The following NLGN3 variants were observed in gnomAD, a reference collection of about 807,000 sequenced individuals.
NLGN3 encodes the protein neuroligin 3, also known as neuroligin-3.
A neutral mutation model predicts 42.9 loss-of-function variants in NLGN3; 11 were observed. The ratio of observed to expected loss-of-function variants is 0.26; its 90% CI spans 0.16 to 0.42. NLGN3 has a LOEUF of 0.42. NLGN3 is among the 10% of genes least tolerant of loss of function. The pLI, the probability that NLGN3 is intolerant of heterozygous loss-of-function variation, is 1.00. For missense variants in NLGN3, 374 were observed against 733.8 expected (o/e 0.51, Z 5.67); for synonymous variants, 279 against 312.7 (o/e 0.89, Z 1.14).
At chrX:71,173,763 T>C (rs1192046465), downstream of NLGN3, among the ~76,000 whole-genome samples, 3 of 112,412 alleles carry the variant, frequency 2.7e-5, no homozygotes, top group African/African-American at 9.7e-5. Flanking sequence ...GACACCTATT[T>C]TGGGTTGTGT....
chrX:71,147,905 G>C lies in NLGN3; in HGVS notation c.156G>C (p.Arg52Ser). 8.3e-7 allele frequency: 1 copy of C among 1,208,522 alleles called. No individual in the cohort carries two copies. Among genetic ancestry groups the C allele is most frequent in the Non-Finnish European group, 1.1e-6 (1 of 893,920 alleles). The change falls in exon 2 of 8, where the codon AGG becomes AGC. Residue 52 changes from arginine to serine, a missense_variant. By Grantham distance (110) the Arg-to-Ser change is moderately radical. Coordinates refer to ENST00000358741, the MANE Select transcript of NLGN3 (RefSeq NM_181303.2). The stretch of plus-strand genomic sequence containing the variant: ...TCAACACTCACTTTGGGAAGCTAAG[G>C]GGTGCCCGAGTACCACTGCCCAGTG... ...PTVNTHFGKLRGARVPLPSEI... is the reference protein window; with the variant it reads ...PTVNTHFGKLSGARVPLPSEI...
chrX:71,150,539 A>G (rs1426317871), intron 3 of NLGN3, among the ~76,000 whole-genome samples: 1 of 109,479 alleles, frequency 9.1e-6, no homozygotes, highest in Non-Finnish European at 1.9e-5. Flanking sequence ...GTCTCTACTA[A>G]AAAATACAAA....
At chrX:71,166,960 T>C (rs896279536) in intron 6 of NLGN3, 51 bp from the exon 7 acceptor site, 3 of 1,041,371 alleles carry the variant, frequency 2.9e-6, no homozygotes, top group African/African-American at 1.9e-5. Context: ...AAGAGATTTA[T>C]GGCTATGTGT....
At chrX:71,163,779 T>C (rs1246552999) in intron 5 of NLGN3, among the ~76,000 whole-genome samples, 1 of 112,010 alleles carries the variant, frequency 8.9e-6, no homozygotes. Flanking sequence ...ACTCCAGGGT[T>C]TCCATTCTAT....
intron 6 of NLGN3, among the ~76,000 whole-genome samples, chrX:71,164,898 C>T (rs1191659128): frequency 9.0e-6 from 1 of 110,711 alleles, no homozygotes; most frequent in Non-Finnish European, 1.9e-5. Context: ...GGGAGATTCT[C>T]ATTTTTGGCC....
rs772383617 is a variant in NLGN3 at position 71,169,870 on chromosome X, G to A, written c.2320G>A (p.Glu774Lys). Residue 774 changes from glutamate to lysine, a missense_variant, in exon 8 of 8, where the codon GAG (glutamate) becomes AAG (lysine). Transcript: ENST00000358741. ...AALQLGPTHH[E>K]CEAGPPHDTL... The stretch of plus-strand genomic sequence containing the variant: ...ATTACAACTGGGCCCCACCCACCAC[G>A]AGTGTGAGGCCGGTCCCCCCCATGA... 12 of 1,197,894 alleles carry A rather than the reference G, an allele frequency of 1.0e-5. No homozygotes were observed. The highest frequency in any genetic ancestry group is 9.0e-5 in the South Asian group (5 of 55,384).
Position 71,155,349 on chromosome X carries a change from G to A in NLGN3, c.713G>A (p.Arg238Gln). Reference sequence around the variant, plus strand: ...GTCATCGTCATCACCCTCAACTATCGGGTTGGAGTGCTAGGTATGGTTCCC... The same window carrying A: ...GTCATCGTCATCACCCTCAACTATCAGGTTGGAGTGCTAGGTATGGTTCCC... Reference protein sequence around the residue: ...GNVIVITLNYRVGVLGFLSTG... With the variant: ...GNVIVITLNYQVGVLGFLSTG... The change falls in exon 5 of 8, where the codon CGG becomes CAG. Residue 238 changes from arginine to glutamine, a missense_variant. This residue lies in a region of NLGN3 where 28 missense variants were observed against 48.2 expected (regional missense o/e 0.58). Coordinates refer to ENST00000358741, the MANE Select transcript of NLGN3 (RefSeq NM_181303.2). 2.5e-6 allele frequency: 3 copies of A among 1,210,869 alleles called. No homozygotes were observed. Among genetic ancestry groups the A allele is most frequent in the Non-Finnish European group, 2.2e-6 (2 of 895,307 alleles).
At chrX:71,166,900 C>T (rs2092449078) in intron 6 of NLGN3, 111 bp from the exon 7 acceptor site, 2 of 693,467 alleles carry the variant, frequency 2.9e-6, no homozygotes, top group Admixed American at 5.3e-5. Context: ...GAGTTGTTCC[C>T]CCTTCCTAGC....
At position 71,170,690 on chromosome X, in the gene NLGN3, A is replaced by C; in HGVS notation, c.*593A>C. The C allele has an allele frequency of 1.3e-6, 1 of 766,219 alleles. No homozygotes were observed. The highest frequency in any genetic ancestry group is 1.5e-6 in the Non-Finnish European group (1 of 646,001). The allele number at this position is 766,219 out of a possible 1,213,427, so 63.1% of individuals were successfully genotyped here. On this transcript the variant is annotated 3_prime_UTR_variant, in exon 8 of 8. Coordinates refer to ENST00000358741, the MANE Select transcript of NLGN3 (RefSeq NM_181303.2). ...GCTCTAGGACCCCCAGTGCTCACACAATCAGACCAAGGAACAAGACCCCCA... is the reference window on the plus strand; with the variant it reads ...GCTCTAGGACCCCCAGTGCTCACACCATCAGACCAAGGAACAAGACCCCCA...
chrX:71,172,627 C>T (rs200084721), downstream of NLGN3, among the ~76,000 whole-genome samples: 4 of 100,520 alleles, frequency 4.0e-5, no homozygotes, highest in African/African-American at 1.1e-4. Context: ...TGTGTGCATG[C>T]GTGTGTGTGT....
chrX:71,164,016 A>G, intron 5 of NLGN3, 127 bp from the exon 6 acceptor site: 1 of 622,691 alleles, frequency 1.6e-6, no homozygotes, highest in Non-Finnish European at 2.6e-6. Flanking sequence ...TAAGTTAACT[A>G]TGTGGGAAGA....
rs571450692 is a variant in NLGN3 at position 71,161,981 on chromosome X, A to C, written c.728-2162A>C. Among the ~76,000 whole-genome samples, 121 of 112,366 alleles carry C rather than the reference A, an allele frequency of 1.1e-3. No individual in the cohort carries two copies. In the Admixed American group the frequency reaches 0.011, roughly 11 times the overall value. On this transcript the variant is annotated intron_variant, in intron 5 of 7. Coordinates refer to ENST00000358741, the MANE Select transcript of NLGN3 (RefSeq NM_181303.2). ...AGCCAAGACCACTATTGCCTAAATG[A>C]AAGAAAAGGAAAAGAGAATACAGGG... is the stretch of plus-strand genomic sequence containing the variant.
Position 71,169,808 on chromosome X carries a change from C to T in NLGN3, c.2258C>T (p.Pro753Leu), listed in dbSNP as rs1230310050. The T allele has an allele frequency of 8.3e-6, 10 of 1,207,451 alleles. No individual in the cohort carries two copies. The highest frequency in any genetic ancestry group is 5.9e-5 in the East Asian group (2 of 33,704). The stretch of plus-strand genomic sequence containing the variant: ...AGCCCTCAGCGGGGAGCCGGGGCCC[C>T]GGAGTTGGGAGCTGCTCCAGAGGAG... The part of the protein sequence containing the change: ...QPSPQRGAGA[P>L]ELGAAPEEEL... Residue 753 changes from proline (P) to leucine (L), a missense_variant, in exon 8 of 8, where the codon CCG becomes CTG. By Grantham distance (98) the Pro-to-Leu change is moderately conservative (BLOSUM62 -3). Coordinates refer to ENST00000358741, the MANE Select transcript of NLGN3 (RefSeq NM_181303.2).
chrX:71,145,962 T>C, intron 1 of NLGN3, among the ~76,000 whole-genome samples: 1 of 45,139 alleles, frequency 2.2e-5, no homozygotes, highest in Non-Finnish European at 4.1e-5. Flanking sequence ...CCCACCTCCC[T>C]ACTCCTACCC....
chrX:71,170,064 G>A lies in NLGN3; in HGVS notation c.2514G>A (p.Gly838=), dbSNP rs2092465837. Residue 838 remains glycine, a synonymous_variant, in exon 8 of 8, where the codon GGG becomes GGA. Coordinates refer to ENST00000358741, the MANE Select transcript of NLGN3 (RefSeq NM_181303.2). The part of the protein sequence containing the change: ...NTFAAGFNST[G]LPHSHSTTRV The stretch of plus-strand genomic sequence containing the variant: ...TTGCCGCAGGGTTCAACAGTACCGG[G>A]CTGCCCCACTCACACTCCACTACCC... 8.3e-7 allele frequency: 1 copy of A among 1,209,783 alleles called. No homozygotes were observed.
chrX:71,146,182 C>CAG (rs1204035232), intron 1 of NLGN3, among the ~76,000 whole-genome samples: 1 of 66,018 alleles, frequency 1.5e-5, no homozygotes, highest in Non-Finnish European at 3.2e-5. Flanking sequence ...GACACACACA[C>CAG]ACACACACAC....
chrX:71,146,124 T>TTC lies in NLGN3; in HGVS notation c.-201+1189_-201+1190dup, dbSNP rs751338166. Among the ~76,000 whole-genome samples, 412 of 49,073 alleles carry TTC rather than the reference T, an allele frequency of 8.4e-3. 7 individuals are homozygous for TTC. The highest frequency in any genetic ancestry group is 0.012 in the Middle Eastern group (1 of 86). The allele number at this position is 49,073 out of a possible 115,157, so 42.6% of individuals were successfully genotyped here. The stretch of plus-strand genomic sequence containing the variant: ...CCGCCCTCCCTCCTCTTCCTTTTTC[T>TTC]TCTCTCTCTCTCTCTCTCTCTCTCT... On this transcript the variant is annotated intron_variant, in intron 1 of 7. Transcript: ENST00000358741.
intron 5 of NLGN3, among the ~76,000 whole-genome samples, chrX:71,158,530 TA>T (rs1052401761): frequency 3.6e-5 from 4 of 112,188 alleles, no homozygotes; most frequent in Non-Finnish European, 7.5e-5. Flanking sequence ...CTCAGCTGCT[TA>T]AAAAAATATA....
At chrX:71,173,266 A>G (rs1190676003), downstream of NLGN3, among the ~76,000 whole-genome samples, 1 of 111,247 alleles carries the variant, frequency 9.0e-6, no homozygotes, top group African/African-American at 3.3e-5. Flanking sequence ...TAAGAACTCA[A>G]GGCGCCATAG....
Sources: gnomAD v4.1 joint callset for allele counts (sites outside exome capture counted in the v4.1 genomes callset) on GRCh38, gnomAD v4.1.1 for gene constraint, gnomAD v4.1.1 regional missense constraint, MANE v1.5 for transcripts, NCBI Gene and HGNC (gene_info 2026-07-23, HGNC 2026-07-21) for gene names.